Variants in ANKRD6 observed in about 807,000 individuals in gnomAD.
ANKRD6 encodes ankyrin repeat domain 6.
A neutral mutation model predicts 82.3 loss-of-function variants in ANKRD6; 56 were observed. The observed-to-expected ratio is 0.68, with a 90% CI of 0.55 to 0.85. The LOEUF (loss-of-function observed/expected upper bound fraction) is 0.85. Among genes scored for constraint, ANKRD6 ranks in the 40% least tolerant of loss-of-function variants. ANKRD6 has a pLI of 0.00. For synonymous variants in ANKRD6, 347 were observed against 352.1 expected, an observed-to-expected ratio of 0.99 and a Z score of 0.16; for missense variants, 852 against 907.6, an observed-to-expected ratio of 0.94 and a Z score of 0.79.
intron 1 of ANKRD6, among the ~76,000 whole-genome samples, chr6:89,453,641 G>T (rs934388715): frequency 2.6e-5 from 4 of 151,748 alleles, no homozygotes; most frequent in Middle Eastern, 3.2e-3. Context: ...GTGCTGTAGC[G>T]CAGTCTTGGC....
intron 14 of ANKRD6, chr6:89,628,662 C>T (rs1806519724): frequency 5.1e-6 from 1 of 197,664 alleles, no homozygotes; most frequent in Non-Finnish European, 1.0e-5. Context: ...CCCAGCTACT[C>T]GGGAGGCTGA....
chr6:89,507,219 A>AT (rs538076782), intron 1 of ANKRD6, among the ~76,000 whole-genome samples: 2 of 152,022 alleles, frequency 1.3e-5, no homozygotes, highest in African/African-American at 4.8e-5. Context: ...TAAACACATA[A>AT]TTTTTTTTAT....
At position 89,433,797 on chromosome 6, in the gene ANKRD6, C is replaced by T. The variant is rs1371158122; in HGVS notation, c.-144+422C>T. Among the ~76,000 whole-genome samples, 2 of 152,254 alleles carry T rather than the reference C, an allele frequency of 1.3e-5. No individual in the cohort carries two copies. Among genetic ancestry groups the T allele is most frequent in the African/African-American group, 4.8e-5 (2 of 41,478 alleles). Reference sequence around the variant, plus strand: ...TGCGGCCGCCTCCGAATGACCCCGTCCCTCCCCGCCCTGGACGACAGCACT... The same window carrying T: ...TGCGGCCGCCTCCGAATGACCCCGTTCCTCCCCGCCCTGGACGACAGCACT... On this transcript the variant is annotated intron_variant, in intron 1 of 15. Coordinates refer to ENST00000339746, the MANE Select transcript of ANKRD6 (RefSeq NM_001242809.2). This position sits in a 1 kb window ranked among gnomAD's most constrained non-coding sequence, Gnocchi z 4.3.
intron 2 of ANKRD6, among the ~76,000 whole-genome samples, chr6:89,592,764 A>G (rs577587998): frequency 6.6e-6 from 1 of 152,278 alleles, no homozygotes; most frequent in African/African-American, 2.4e-5. Flanking sequence ...TGGGACCCCA[A>G]GCACAGCAGG....
chr6:89,561,369 A>C (rs1200342081), intron 1 of ANKRD6: 1 of 152,212 alleles, frequency 6.6e-6, no homozygotes, highest in East Asian at 1.9e-4. Context: ...GGCTTGCTAA[A>C]GCAGAGCGTG....
intron 1 of ANKRD6, among the ~76,000 whole-genome samples, chr6:89,495,496 C>T (rs964592823): frequency 6.6e-6 from 1 of 152,112 alleles, no homozygotes; most frequent in African/African-American, 2.4e-5. Flanking sequence ...ACGTAGATGT[C>T]GGCTTGTGTT....
At chr6:89,531,274 C>G (rs1783111375) in intron 1 of ANKRD6, among the ~76,000 whole-genome samples, 1 of 152,110 alleles carries the variant, frequency 6.6e-6, no homozygotes, top group Admixed American at 6.6e-5. Context: ...AAGGAGGTAG[C>G]GGAAACAATA....
chr6:89,539,378 G>A (rs1229036022), intron 1 of ANKRD6, among the ~76,000 whole-genome samples: 1 of 152,044 alleles, frequency 6.6e-6, no homozygotes, highest in African/African-American at 2.4e-5. Flanking sequence ...TCCCCAAGTA[G>A]TGTTGTCCTT....
intron 4 of ANKRD6, among the ~76,000 whole-genome samples, chr6:89,605,030 A>C (rs1980878): frequency 0.81 from 121,138 of 150,176 alleles, 49,191 homozygotes; most frequent in East Asian, 0.91. Flanking sequence ...AATGATATTT[A>C]TTTGTTTAAA....
At chr6:89,480,894 A>C (rs1776714837) in intron 1 of ANKRD6, among the ~76,000 whole-genome samples, 2 of 146,840 alleles carry the variant, frequency 1.4e-5, no homozygotes, top group Non-Finnish European at 3.0e-5. Flanking sequence ...GTGAGCCATC[A>C]TTGTGCCACA....
At chr6:89,456,457 A>T (rs1242369764) in intron 1 of ANKRD6, among the ~76,000 whole-genome samples, 1 of 152,164 alleles carries the variant, frequency 6.6e-6, no homozygotes, top group African/African-American at 2.4e-5. Flanking sequence ...TTGGCTTCAG[A>T]TGGCCACCTT....
At chr6:89,456,987 G>T (rs1358720967) in intron 1 of ANKRD6, among the ~76,000 whole-genome samples, 2 of 152,202 alleles carry the variant, frequency 1.3e-5, no homozygotes, top group Non-Finnish European at 2.9e-5. Context: ...AAAGGCAATT[G>T]CAGTCACATG....
intron 2 of ANKRD6, among the ~76,000 whole-genome samples, chr6:89,595,584 C>CAGTATTAGCACCAGTGAGAAATTA (rs1337362970): frequency 6.6e-6 from 1 of 152,164 alleles, no homozygotes; most frequent in Non-Finnish European, 1.5e-5. Context: ...CATTATTCCT[C>CAGTATTAGCACCAGTGAGAAATTA]AGTATTAGCA....
chr6:89,537,481 C>T (rs1303028363), intron 1 of ANKRD6, among the ~76,000 whole-genome samples: 1 of 151,998 alleles, frequency 6.6e-6, no homozygotes, highest in Non-Finnish European at 1.5e-5. Context: ...TCCAGTAATG[C>T]CACAACAAAA....
At chr6:89,545,963 C>G (rs2128018383) in intron 1 of ANKRD6, among the ~76,000 whole-genome samples, 1 of 152,244 alleles carries the variant, frequency 6.6e-6, no homozygotes, top group South Asian at 2.1e-4. Context: ...CACCACCACG[C>G]CTGGTAATTT....
chr6:89,624,446 C>G, intron 12 of ANKRD6, 93 bp from the exon 13 acceptor site: 5 of 1,429,810 alleles, frequency 3.5e-6, no homozygotes, highest in Non-Finnish European at 4.7e-6. Context: ...CATCTCTATC[C>G]CCTGGTATAC....
chr6:89,549,922 GAAAAGAAAAA>G (rs930712685), intron 1 of ANKRD6, among the ~76,000 whole-genome samples: 3 of 105,482 alleles, frequency 2.8e-5, no homozygotes, highest in African/African-American at 2.9e-5. Context: ...TTAAAAAAAA[GAAAAGAAAAA>G]AAAAGAAAAA....
intron 1 of ANKRD6, among the ~76,000 whole-genome samples, chr6:89,517,530 A>G (rs903171274): frequency 6.6e-6 from 1 of 152,236 alleles, no homozygotes; most frequent in Non-Finnish European, 1.5e-5. Context: ...TAATGTCGAA[A>G]GAAGTTGTTG....
At chr6:89,525,927 G>A (rs1376852701) in intron 1 of ANKRD6, among the ~76,000 whole-genome samples, 6 of 152,258 alleles carry the variant, frequency 3.9e-5, no homozygotes. Flanking sequence ...AATTGGAGTT[G>A]TAGTGGTCTG....
Sources: gnomAD v4.1 joint callset for allele counts (sites outside exome capture counted in the v4.1 genomes callset) on GRCh38, gnomAD v4.1.1 for gene constraint, Gnocchi (gnomAD v3.1) non-coding constraint, MANE v1.5 for transcripts, NCBI Gene and HGNC (gene_info 2026-07-23, HGNC 2026-07-21) for gene names.